The following PLXNA2 variants were observed in gnomAD, a reference collection of about 807,000 sequenced individuals.
PLXNA2 encodes the protein plexin A2.
PLXNA2 carries 91 observed loss-of-function variants against 193.5 expected under a neutral mutation model. The ratio of observed to expected loss-of-function variants is 0.47; its 90% confidence interval spans 0.40 to 0.56. The LOEUF (loss-of-function observed/expected upper bound fraction) is 0.56. PLXNA2 is among the 20% of genes least tolerant of loss of function. The probability of loss-of-function intolerance (pLI) is 0.00; values close to 1 mark genes in which losing one functional copy is unlikely to be tolerated. For synonymous variants in PLXNA2, 997 were observed against 1,027.3 expected (o/e 0.97, Z 0.56); for missense variants, 1,995 against 2,503.2 (o/e 0.80, Z 4.33).
In PLXNA2 at chr1:208,226,727, G is replaced by A. The variant is rs371471112; in HGVS notation, c.-80-8725C>T. Among the ~76,000 whole-genome samples, 127 of 152,328 alleles carry A rather than the reference G, an allele frequency of 8.3e-4. 3 individuals carry two copies. In the South Asian group the frequency reaches 0.024, roughly 29 times the overall value. On this transcript the variant is annotated intron_variant, in intron 1 of 31. Coordinates refer to ENST00000367033, the MANE Select transcript of PLXNA2 (RefSeq NM_025179.4). ...CCACCCGGGCAGAGCTGAGAGAGCC[G>A]CATGGTATAAACTAAAATACAAGAA...
intron 3 of PLXNA2, among the ~76,000 whole-genome samples, chr1:208,177,283 A>G (rs1331205759): frequency 6.6e-6 from 1 of 152,050 alleles, no homozygotes; most frequent in Non-Finnish European, 1.5e-5. Context: ...GCCTATCTCA[A>G]AACAGATACT....
intron 12 of PLXNA2, among the ~76,000 whole-genome samples, chr1:208,062,466 C>T (rs373208658): frequency 3.9e-5 from 6 of 152,228 alleles, no homozygotes; most frequent in Admixed American, 2.6e-4. Flanking sequence ...CCCGGTCTCT[C>T]GGCAAGTTGG....
intron 31 of PLXNA2, 68 bp from the exon 32 acceptor site, chr1:208,027,406 G>A (rs1027381707): frequency 7.8e-5 from 104 of 1,327,976 alleles, no homozygotes; most frequent in South Asian, 4.6e-4. Flanking sequence ...TTCTGGAGTC[G>A]TTCCCTCTTT....
intron 9 of PLXNA2, among the ~76,000 whole-genome samples, chr1:208,085,581 G>A (rs896143233): frequency 2.6e-4 from 39 of 152,314 alleles, no homozygotes; most frequent in African/African-American, 8.7e-4. Context: ...CAAAAATATT[G>A]TCCTCCTAAT....
intron 4 of PLXNA2, among the ~76,000 whole-genome samples, chr1:208,133,505 G>C (rs549263650): frequency 6.6e-6 from 1 of 152,314 alleles, no homozygotes; most frequent in South Asian, 2.1e-4. Context: ...TAGAAAGACA[G>C]CCCTATCTAT....
chr1:208,116,731 T>C (rs1218932773), intron 4 of PLXNA2, among the ~76,000 whole-genome samples: 1 of 152,174 alleles, frequency 6.6e-6, no homozygotes. Flanking sequence ...AATTAAGGCA[T>C]CCACGAAGGC....
chr1:208,051,760 A>T (rs976924648), intron 15 of PLXNA2, among the ~76,000 whole-genome samples: 1 of 152,178 alleles, frequency 6.6e-6, no homozygotes, highest in Admixed American at 6.5e-5. Context: ...ATATTCACTG[A>T]GCACCTACTG....
At chr1:208,242,786 T>C (rs1672102361) in intron 1 of PLXNA2, among the ~76,000 whole-genome samples, 1 of 152,158 alleles carries the variant, frequency 6.6e-6, no homozygotes, top group African/African-American at 2.4e-5. Flanking sequence ...TTCTGGTGAC[T>C]CTCTGGGCAT....
At chr1:208,118,646 CTCCCTG>C (rs908238832) in intron 4 of PLXNA2, among the ~76,000 whole-genome samples, 1 of 152,132 alleles carries the variant, frequency 6.6e-6, no homozygotes, top group African/African-American at 2.4e-5. Flanking sequence ...TATTCCTGAC[CTCCCTG>C]AATGGCTGCC....
intron 9 of PLXNA2, among the ~76,000 whole-genome samples, chr1:208,087,345 C>T (rs1283497124): frequency 6.6e-6 from 1 of 151,708 alleles, no homozygotes; most frequent in Non-Finnish European, 1.5e-5. Context: ...TAAGTCCAGT[C>T]CAGCCTGGAG....
At chr1:208,034,813 T>C (rs1456763360) in intron 26 of PLXNA2, among the ~76,000 whole-genome samples, 1 of 152,114 alleles carries the variant, frequency 6.6e-6, no homozygotes, top group East Asian at 1.9e-4. Flanking sequence ...GGATTGAGCA[T>C]TTGAAATGTG....
At chr1:208,067,325 C>T (rs1477361695) in intron 12 of PLXNA2, among the ~76,000 whole-genome samples, 1 of 121,236 alleles carries the variant, frequency 8.2e-6, no homozygotes, top group Admixed American at 9.0e-5. Flanking sequence ...GCTTGGGCAA[C>T]AAGAGTGGAA....
At chr1:208,120,650 T>C (rs978082381) in intron 4 of PLXNA2, among the ~76,000 whole-genome samples, 2 of 152,240 alleles carry the variant, frequency 1.3e-5, no homozygotes. Flanking sequence ...CTCAGCCAGA[T>C]GCCTTTATGT....
Position 208,031,010 on chromosome 1 carries a change from G to C in PLXNA2, c.5225+580C>G, listed in dbSNP as rs1052085076. ...GCATTCTGCCTGCTGCTTCCTGAAA[G>C]CTATGGCGCCAGGATAATCACTTGG... On this transcript the variant is annotated intron_variant, in intron 29 of 31. Transcript: ENST00000367033. 5.1e-6 allele frequency: 5 copies of C among 987,662 alleles called. No homozygotes were observed. In the African/African-American group the frequency reaches 8.7e-5, roughly 17 times the overall value. The allele number at this position is 987,662 out of a possible 1,614,324, so 61.2% of individuals were successfully genotyped here. A position where few individuals can be genotyped will look rare whatever the true frequency, so the allele number is the denominator to read the frequency against.
At chr1:208,105,584 C>T (rs1667244615) in intron 4 of PLXNA2, among the ~76,000 whole-genome samples, 1 of 152,226 alleles carries the variant, frequency 6.6e-6, no homozygotes, top group African/African-American at 2.4e-5. Flanking sequence ...ATTCACACCG[C>T]CTTAAAGAAT....
rs577827693 is a variant in PLXNA2 at position 208,052,226 on chromosome 1, G to C, written c.2993+101C>G. The C allele has an allele frequency of 1.6e-5, 19 of 1,184,278 alleles. No homozygotes were observed. The East Asian group carries it at 3.3e-4, about 20-fold the overall frequency. 73.4% of individuals were successfully genotyped at this position (1,184,278 alleles called of 1,614,324 possible). A position where few individuals can be genotyped will look rare whatever the true frequency, so the allele number is the denominator to read the frequency against. The stretch of plus-strand genomic sequence containing the variant: ...GGGTCTAGGTGTAGCAAATAACATG[G>C]AGGTGATGGGGCAGGCCTATGAATG... On this transcript the variant is annotated intron_variant, in intron 15 of 31. Transcript: ENST00000367033.
At chr1:208,099,732 G>A (rs1051563540) in intron 5 of PLXNA2, among the ~76,000 whole-genome samples, 1 of 151,882 alleles carries the variant, frequency 6.6e-6, no homozygotes, top group African/African-American at 2.4e-5. Context: ...CACCGTGCCC[G>A]GCTAATTTTT....
At chr1:208,134,695 T>C (rs929157266) in intron 4 of PLXNA2, among the ~76,000 whole-genome samples, 1 of 152,150 alleles carries the variant, frequency 6.6e-6, no homozygotes, top group African/African-American at 2.4e-5. Context: ...GGTCTCCTGT[T>C]ACTGAGTCCT....
At chr1:208,050,051 T>G (rs1034488560) in intron 17 of PLXNA2, among the ~76,000 whole-genome samples, 3 of 152,156 alleles carry the variant, frequency 2.0e-5, no homozygotes, top group African/African-American at 7.2e-5. Context: ...TGACAACATA[T>G]CAGACATTCT....
Sources: allele counts gnomAD v4.1 joint callset (sites outside exome capture counted in the v4.1 genomes callset), GRCh38; gene constraint gnomAD v4.1.1; transcripts MANE v1.5; gene names NCBI Gene and HGNC (gene_info 2026-07-23, HGNC 2026-07-21).